The following DPP10 variants were observed in gnomAD, a reference collection of about 807,000 sequenced individuals.
DPP10 encodes the protein inactive dipeptidyl peptidase 10.
DPP10 carries 33 observed loss-of-function variants against 120.9 expected under a neutral mutation model. That is an observed-to-expected ratio of 0.27 (90% CI 0.21 to 0.37). The LOEUF is 0.37. Among genes scored for constraint, DPP10 ranks in the 10% least tolerant of loss-of-function variants. DPP10 has a pLI of 1.00. For missense variants in DPP10, 816 were observed against 942.8 expected (o/e 0.87, Z 1.76); for synonymous variants, 337 against 326.1 (o/e 1.03, Z -0.36).
In DPP10 at chr2:115,293,980, G is replaced by T. The variant is rs190430405; in HGVS notation, c.61-15259G>T. Among the ~76,000 whole-genome samples the T allele has an allele frequency of 6.6e-5, 10 of 152,152 alleles. No individual in the cohort carries two copies. In the East Asian group the frequency reaches 1.9e-3, roughly 30 times the overall value. ...TTTTCTAACATGAAAAACAAGACAAGAAATATCTTTCTTATAAAGGAATCC... is the reference window on the plus strand; with the variant it reads ...TTTTCTAACATGAAAAACAAGACAATAAATATCTTTCTTATAAAGGAATCC... On this transcript the variant is annotated intron_variant, in intron 1 of 25. Coordinates refer to ENST00000410059, the MANE Select transcript of DPP10 (RefSeq NM_020868.6).
intron 16 of DPP10, among the ~76,000 whole-genome samples, chr2:115,781,668 G>A (rs1208811933): frequency 2.6e-5 from 4 of 151,830 alleles, no homozygotes; most frequent in Admixed American, 2.6e-4. Context: ...GAGACAATGA[G>A]AGATATACCA....
intron 1 of DPP10, among the ~76,000 whole-genome samples, chr2:115,004,231 A>T (rs1178775209): frequency 3.9e-5 from 6 of 152,360 alleles, no homozygotes; most frequent in East Asian, 3.9e-4. Flanking sequence ...GATAAAAGAA[A>T]TAAGACGTGG....
At chr2:115,831,225 G>A (rs1050265558) in intron 21 of DPP10, among the ~76,000 whole-genome samples, 3 of 147,966 alleles carry the variant, frequency 2.0e-5, no homozygotes, top group Non-Finnish European at 3.0e-5. Context: ...GTTTAAATTC[G>A]CACAGATCAC....
chr2:114,517,366 TA>T (rs1275297415), intron 1 of DPP10, among the ~76,000 whole-genome samples: 2 of 151,932 alleles, frequency 1.3e-5, no homozygotes, highest in Non-Finnish European at 2.9e-5. Context: ...GCTAAAAATA[TA>T]AAATTAGCCA....
chr2:114,916,902 C>T (rs1021880729), intron 1 of DPP10, among the ~76,000 whole-genome samples: 2 of 152,130 alleles, frequency 1.3e-5, no homozygotes, highest in African/African-American at 4.8e-5. Context: ...CCCTGGAGAA[C>T]CAGAGCAAGA....
intron 1 of DPP10, among the ~76,000 whole-genome samples, chr2:114,536,408 C>CTTTTTTTTTTTTTTT (rs70937287): frequency 1.6e-5 from 2 of 128,732 alleles, no homozygotes; most frequent in African/African-American, 2.9e-5. Flanking sequence ...TTTTCTTTTT[C>CTTTTTTTTTTTTTTT]TTTTTTTTTT....
rs139714031 is a variant in DPP10 at position 114,588,160 on chromosome 2, A to G, written c.60+145322A>G. On this transcript the variant is annotated intron_variant, in intron 1 of 25. Coordinates refer to ENST00000410059, the MANE Select transcript of DPP10 (RefSeq NM_020868.6). Reference sequence around the variant, plus strand: ...AAAGCCCTAGATTCAGTGAGTCAGTAAATAAGACCCATTTTTAAGAGAAAG... The same window carrying G: ...AAAGCCCTAGATTCAGTGAGTCAGTGAATAAGACCCATTTTTAAGAGAAAG... 4.2e-3 allele frequency among the ~76,000 whole-genome samples: 633 copies of G among 152,356 alleles called. 4 individuals carry two copies. The highest frequency in any genetic ancestry group is 0.015 in the African/African-American group (605 of 41,590).
At chr2:114,463,580 A>C (rs10165355) in intron 1 of DPP10, among the ~76,000 whole-genome samples, 15,274 of 152,194 alleles carry the variant, frequency 0.1, 2,538 homozygotes, top group African/African-American at 0.35. Context: ...GTTATGTTAT[A>C]TACTTAGCAT....
At chr2:115,674,485 A>T (rs2090130306) in intron 5 of DPP10, among the ~76,000 whole-genome samples, 1 of 151,756 alleles carries the variant, frequency 6.6e-6, no homozygotes, top group Non-Finnish European at 1.5e-5. Flanking sequence ...TGTGACATGT[A>T]TCCTTCCTAA....
intron 1 of DPP10, among the ~76,000 whole-genome samples, chr2:114,745,986 T>C (rs990762754): frequency 6.6e-6 from 1 of 152,234 alleles, no homozygotes; most frequent in African/African-American, 2.4e-5. Flanking sequence ...AACTTCATCA[T>C]GGTTAACAGC....
At chr2:114,503,788 T>G (rs1683403296) in intron 1 of DPP10, among the ~76,000 whole-genome samples, 1 of 152,210 alleles carries the variant, frequency 6.6e-6, no homozygotes, top group Admixed American at 6.5e-5. Flanking sequence ...TCCTATTACT[T>G]ACTTTTGATG....
chr2:115,639,577 C>T (rs2086614966), intron 5 of DPP10, among the ~76,000 whole-genome samples: 1 of 151,858 alleles, frequency 6.6e-6, no homozygotes, highest in African/African-American at 2.4e-5. Flanking sequence ...CAAGATTTAC[C>T]TCTGAAATGA....
chr2:115,706,515 C>T (rs2092113789), intron 7 of DPP10, among the ~76,000 whole-genome samples: 2 of 151,804 alleles, frequency 1.3e-5, no homozygotes, highest in Admixed American at 6.6e-5. Context: ...TAGACAGTTC[C>T]TGCTAAGGAA....
At chr2:115,749,257 T>C (rs913853092) in intron 10 of DPP10, among the ~76,000 whole-genome samples, 3 of 152,204 alleles carry the variant, frequency 2.0e-5, no homozygotes, top group African/African-American at 7.2e-5. Flanking sequence ...CATGAAGATT[T>C]TCCACAGATT....
chr2:115,805,929 G>A (rs1022188884), intron 19 of DPP10, among the ~76,000 whole-genome samples: 4 of 152,098 alleles, frequency 2.6e-5, no homozygotes, highest in African/African-American at 9.7e-5. Context: ...TTACAACAGG[G>A]CAGATATTCT....
At chr2:115,569,566 A>G (rs1197923975) in intron 5 of DPP10, among the ~76,000 whole-genome samples, 1 of 152,232 alleles carries the variant, frequency 6.6e-6, no homozygotes, top group Non-Finnish European at 1.5e-5. Flanking sequence ...CTTAGATTGT[A>G]TCTACGCAAT....
chr2:115,555,903 G>A (rs2080180947), intron 5 of DPP10, among the ~76,000 whole-genome samples: 1 of 152,020 alleles, frequency 6.6e-6, no homozygotes, highest in Non-Finnish European at 1.5e-5. Context: ...GTGCATAGAG[G>A]ATATTTCTCT....
intron 1 of DPP10, among the ~76,000 whole-genome samples, chr2:114,922,812 G>T (rs1420525040): frequency 6.6e-6 from 1 of 152,242 alleles, no homozygotes; most frequent in East Asian, 1.9e-4. Flanking sequence ...CATTTGGGTT[G>T]CTTCTACGTT....
chr2:114,715,959 G>A (rs1701321283), intron 1 of DPP10, among the ~76,000 whole-genome samples: 1 of 151,638 alleles, frequency 6.6e-6, no homozygotes, highest in African/African-American at 2.4e-5. Flanking sequence ...TACCAAATAA[G>A]TGGTGTCAAT....
Sources: gnomAD v4.1 joint callset for allele counts (sites outside exome capture counted in the v4.1 genomes callset) on GRCh38, gnomAD v4.1.1 for gene constraint, MANE v1.5 for transcripts, NCBI Gene and HGNC (gene_info 2026-07-23, HGNC 2026-07-21) for gene names.